RNF220: variants seen among roughly 807,000 people sequenced by gnomAD.
RNF220 encodes the protein E3 ubiquitin-protein ligase RNF220.
A neutral mutation model predicts 67.1 loss-of-function variants in RNF220; 7 were observed. That is an observed-to-expected ratio of 0.10 (90% confidence interval 0.06 to 0.20). The LOEUF is 0.20. RNF220 is among the 10% of genes least tolerant of loss of function. RNF220 has a pLI of 1.00. For missense variants in RNF220, 565 were observed against 740.3 expected (o/e 0.76, Z 2.75); for synonymous variants, 270 against 283.2 (o/e 0.95, Z 0.47).
At chr1:44,409,061 C>G (rs1018132551) in intron 1 of RNF220, among the ~76,000 whole-genome samples, 1 of 152,258 alleles carries the variant, frequency 6.6e-6, no homozygotes, top group African/African-American at 2.4e-5. Flanking sequence ...TTTTCACGTT[C>G]CAAACGCGGA....
At chr1:44,636,951 A>G (rs1644348013) in intron 8 of RNF220, among the ~76,000 whole-genome samples, 1 of 152,236 alleles carries the variant, frequency 6.6e-6, no homozygotes, top group Non-Finnish European at 1.5e-5. Context: ...TGGGCAGGGG[A>G]AAAGGGGAGC....
intron 2 of RNF220, among the ~76,000 whole-genome samples, chr1:44,563,734 T>C (rs574776296): frequency 2.1e-4 from 32 of 152,314 alleles, no homozygotes; most frequent in Middle Eastern, 3.4e-3. Context: ...TTCAAAAGGT[T>C]GTTGTACTCC....
At chr1:44,607,640 A>G (rs564332585) in intron 2 of RNF220, among the ~76,000 whole-genome samples, 137 of 152,086 alleles carry the variant, frequency 9.0e-4, no homozygotes, top group African/African-American at 3.2e-3. Context: ...GGCGCCCGCC[A>G]CCACGCCCAG....
chr1:44,569,265 C>T (rs1572907421), intron 2 of RNF220, among the ~76,000 whole-genome samples: 1 of 152,150 alleles, frequency 6.6e-6, no homozygotes, highest in African/African-American at 2.4e-5. Context: ...GCCATTAGTA[C>T]GTCTTTCCTA....
At chr1:44,516,556 G>C (rs1037041397) in intron 2 of RNF220, among the ~76,000 whole-genome samples, 1 of 152,044 alleles carries the variant, frequency 6.6e-6, no homozygotes. Flanking sequence ...CCTCATTTTT[G>C]TGATAGCTGT....
intron 1 of RNF220, among the ~76,000 whole-genome samples, chr1:44,410,926 A>G (rs1008378087): frequency 2.6e-5 from 4 of 152,224 alleles, no homozygotes; most frequent in Non-Finnish European, 4.4e-5. Flanking sequence ...ACCACTGACT[A>G]TGAAAATGTA....
At chr1:44,496,894 G>C (rs1657391243) in intron 2 of RNF220, among the ~76,000 whole-genome samples, 1 of 152,226 alleles carries the variant, frequency 6.6e-6, no homozygotes. Flanking sequence ...GACAGTGTGA[G>C]AGCTGCGGGC....
intron 2 of RNF220, among the ~76,000 whole-genome samples, chr1:44,574,367 A>C (rs910708519): frequency 6.6e-6 from 1 of 151,964 alleles, no homozygotes; most frequent in African/African-American, 2.4e-5. Flanking sequence ...TTAAGCTTTA[A>C]ATTTCTTACC....
Position 44,412,771 on chromosome 1 carries a change from C to T in RNF220, c.625+49C>T, listed in dbSNP as rs1648101266. On this transcript the variant is annotated intron_variant, in intron 2 of 14. Coordinates refer to ENST00000361799, the MANE Select transcript of RNF220 (RefSeq NM_018150.4). The surrounding 1 kb of genome is among the most constrained non-coding windows in gnomAD (Gnocchi z 5.3). ...CCCTTACCCCCAGTAAGCCCTGCCTCACCGTGATGTTCAACAGGTCGGTGG... is the reference window on the plus strand; with the variant it reads ...CCCTTACCCCCAGTAAGCCCTGCCTTACCGTGATGTTCAACAGGTCGGTGG... 4 of 1,570,718 alleles carry T rather than the reference C, an allele frequency of 2.5e-6. No homozygotes were observed. Among genetic ancestry groups the T allele is most frequent in the Non-Finnish European group, 3.5e-6 (4 of 1,157,384 alleles).
At chr1:44,608,128 T>A (rs1053849563) in intron 2 of RNF220, among the ~76,000 whole-genome samples, 12 of 152,086 alleles carry the variant, frequency 7.9e-5, no homozygotes, top group African/African-American at 1.7e-4. Flanking sequence ...TCTAACTGTG[T>A]TGCCCAGGCT....
intron 5 of RNF220, chr1:44,631,990 C>T (rs1644146943): frequency 9.9e-7 from 1 of 1,007,882 alleles, no homozygotes; most frequent in South Asian, 4.6e-5. Context: ...GCCGCCGCCG[C>T]CGCTTGGAGC....
intron 2 of RNF220, among the ~76,000 whole-genome samples, chr1:44,578,914 C>T (rs1235145136): frequency 6.6e-6 from 1 of 152,014 alleles, no homozygotes; most frequent in South Asian, 2.1e-4. Flanking sequence ...GCCTGTAATC[C>T]CAGCACTTTG....
At chr1:44,558,118 G>A (rs950405647) in intron 2 of RNF220, among the ~76,000 whole-genome samples, 4 of 152,236 alleles carry the variant, frequency 2.6e-5, no homozygotes, top group Non-Finnish European at 5.9e-5. Context: ...TGCCAGAACC[G>A]TGGCTGACCA....
chr1:44,598,660 CAT>C (rs34508848), intron 2 of RNF220, among the ~76,000 whole-genome samples: 35,045 of 151,862 alleles, frequency 0.23, 4,472 homozygotes, highest in East Asian at 0.55. Context: ...CGTGACTGGC[CAT>C]ATGTCCTGGT....
chr1:44,575,853 T>G (rs531053649), intron 2 of RNF220, among the ~76,000 whole-genome samples: 2 of 152,370 alleles, frequency 1.3e-5, no homozygotes, highest in Admixed American at 6.5e-5. Flanking sequence ...TGCTTTTTAT[T>G]GCCTGCTCTC....
intron 2 of RNF220, among the ~76,000 whole-genome samples, chr1:44,481,623 C>A (rs962834681): frequency 1.3e-5 from 2 of 152,110 alleles, no homozygotes; most frequent in African/African-American, 4.8e-5. Flanking sequence ...ATGGAACAAA[C>A]CTGCACGTTC....
At chr1:44,646,282 G>A (rs966391849) in intron 12 of RNF220, among the ~76,000 whole-genome samples, 43 of 152,252 alleles carry the variant, frequency 2.8e-4, no homozygotes, top group African/African-American at 9.6e-4. Flanking sequence ...GGGCCGGGTC[G>A]GTGGCCCAGG....
intron 2 of RNF220, among the ~76,000 whole-genome samples, chr1:44,453,288 C>G (rs1652867742): frequency 6.6e-6 from 1 of 152,022 alleles, no homozygotes; most frequent in Non-Finnish European, 1.5e-5. Context: ...GATGGTCTTT[C>G]TTTTTCTTGT....
chr1:44,536,961 T>C (rs1239520870), intron 2 of RNF220, among the ~76,000 whole-genome samples: 2 of 150,238 alleles, frequency 1.3e-5, no homozygotes, highest in Admixed American at 6.7e-5. Flanking sequence ...CCTGCATGCC[T>C]CCCCCACCCT....
Sources: gnomAD v4.1 joint callset for allele counts (sites outside exome capture counted in the v4.1 genomes callset) on GRCh38, gnomAD v4.1.1 for gene constraint, Gnocchi (gnomAD v3.1) non-coding constraint, MANE v1.5 for transcripts, NCBI Gene and HGNC (gene_info 2026-07-23, HGNC 2026-07-21) for gene names.